Variants in GALNT7 observed in about 807,000 individuals in gnomAD.
The protein encoded by GALNT7 is N-acetylgalactosaminyltransferase 7.
Under a neutral mutation model 82.1 loss-of-function variants are expected in GALNT7, and 60 were observed. That is an observed-to-expected ratio of 0.73 (90% confidence interval 0.59 to 0.91). The LOEUF is 0.91. GALNT7 is among the 40% of genes least tolerant of loss of function. GALNT7 has a pLI of 0.00. For missense variants in GALNT7, 660 were observed against 804.2 expected (o/e 0.82, Z 2.17); for synonymous variants, 243 against 275.1 (o/e 0.88, Z 1.15).
At chr4:173,275,543 G>A (rs1417798651) in intron 2 of GALNT7, among the ~76,000 whole-genome samples, 1 of 152,132 alleles carries the variant, frequency 6.6e-6, no homozygotes, top group Non-Finnish European at 1.5e-5. Flanking sequence ...GGCAGATCAT[G>A]GTGCAGCTCT....
At chr4:173,265,952 A>T (rs1265504796) in intron 2 of GALNT7, among the ~76,000 whole-genome samples, 2 of 151,920 alleles carry the variant, frequency 1.3e-5, no homozygotes, top group Admixed American at 6.6e-5. Flanking sequence ...TAATATATTA[A>T]ATGTGTCATA....
intron 1 of GALNT7, among the ~76,000 whole-genome samples, chr4:173,239,237 C>T (rs1056311868): frequency 8.5e-5 from 13 of 152,190 alleles, no homozygotes; most frequent in African/African-American, 3.1e-4. Flanking sequence ...TCACTTATCT[C>T]ATTTGGATTC....
chr4:173,223,627 C>T (rs1733710090), intron 1 of GALNT7, among the ~76,000 whole-genome samples: 1 of 151,584 alleles, frequency 6.6e-6, no homozygotes, highest in Non-Finnish European at 1.5e-5. Context: ...GCTGAATGAT[C>T]ACTAAAATCA....
intron 1 of GALNT7, 140 bp downstream of exon 1, chr4:173,169,101 G>C (rs1414420467): frequency 1.6e-6 from 1 of 640,612 alleles, no homozygotes; most frequent in Non-Finnish European, 2.2e-6. Context: ...GCGCAGCGCG[G>C]GCCGAGGGGG....
chr4:173,253,949 T>C (rs1174804375), intron 2 of GALNT7, among the ~76,000 whole-genome samples: 2 of 152,248 alleles, frequency 1.3e-5, no homozygotes, highest in Non-Finnish European at 2.9e-5. Flanking sequence ...TTACCCTTTT[T>C]TTCTGCCCAA....
At chr4:173,299,112 G>T (rs988901667) in intron 6 of GALNT7, among the ~76,000 whole-genome samples, 1 of 152,010 alleles carries the variant, frequency 6.6e-6, no homozygotes, top group Non-Finnish European at 1.5e-5. Context: ...TCTGCTTTTG[G>T]TCTCTCTCTC....
intron 6 of GALNT7, among the ~76,000 whole-genome samples, chr4:173,298,563 G>A (rs1396594800): frequency 6.6e-6 from 1 of 152,004 alleles, no homozygotes; most frequent in Non-Finnish European, 1.5e-5. Flanking sequence ...TTTGTTCCAC[G>A]TACAAGTGAA....
At chr4:173,205,911 TGG>T (rs1733077194) in intron 1 of GALNT7, among the ~76,000 whole-genome samples, 1 of 151,776 alleles carries the variant, frequency 6.6e-6, no homozygotes, top group South Asian at 2.1e-4. Context: ...GGCCTGGTGG[TGG>T]GGCAGGTCCA....
chr4:173,206,462 A>G (rs1211295651), intron 1 of GALNT7, among the ~76,000 whole-genome samples: 1 of 152,126 alleles, frequency 6.6e-6, no homozygotes, highest in African/African-American at 2.4e-5. Flanking sequence ...CCATTTCTTT[A>G]TATCTGTCTC....
At chr4:173,256,692 T>C (rs556072963) in intron 2 of GALNT7, among the ~76,000 whole-genome samples, 1 of 152,326 alleles carries the variant, frequency 6.6e-6, no homozygotes, top group East Asian at 1.9e-4. Flanking sequence ...ATGCCTATAA[T>C]TGCACCTAAA....
At chr4:173,191,660 T>A (rs966818333) in intron 1 of GALNT7, among the ~76,000 whole-genome samples, 18 of 152,012 alleles carry the variant, frequency 1.2e-4, no homozygotes, top group Admixed American at 4.6e-4. Context: ...AGTAGAAGAG[T>A]GGTCTGCTCA....
intron 1 of GALNT7, among the ~76,000 whole-genome samples, chr4:173,210,733 A>G (rs1020325696): frequency 3.9e-5 from 6 of 152,252 alleles, no homozygotes; most frequent in East Asian, 3.9e-4. Flanking sequence ...TGCCTGGCCT[A>G]CTTTTTCCTT....
At position 173,304,007 on chromosome 4, in the gene GALNT7, T is replaced by C. The variant is rs1240172578; in HGVS notation, c.1278T>C (p.Cys426=). ...NFEISYKIWQ[C]GGKLLFVPCS... ...TTTTTCCTTCATAGATATGGCAGTG[T>C]GGTGGCAAATTATTATTTGTTCCTT... Residue 426 remains cysteine (C), a synonymous_variant, in exon 8 of 12, where the codon TGT becomes TGC. Coordinates refer to ENST00000265000, the MANE Select transcript of GALNT7 (RefSeq NM_017423.3). 1.2e-6 allele frequency: 2 copies of C among 1,611,064 alleles called. No homozygotes were observed. The highest frequency in any genetic ancestry group is 2.2e-5 in the South Asian group (2 of 90,590).
At chr4:173,301,211 T>C (rs1287189039) in intron 6 of GALNT7, among the ~76,000 whole-genome samples, 1 of 151,872 alleles carries the variant, frequency 6.6e-6, no homozygotes, top group Non-Finnish European at 1.5e-5. Flanking sequence ...TTTGAGTAGA[T>C]TGAATATTAT....
At chr4:173,297,068 C>T (rs1456075756) in intron 5 of GALNT7, among the ~76,000 whole-genome samples, 1 of 152,022 alleles carries the variant, frequency 6.6e-6, no homozygotes, top group East Asian at 1.9e-4. Context: ...AGCAGGGTAC[C>T]AGATAATCTT....
intron 1 of GALNT7, among the ~76,000 whole-genome samples, chr4:173,205,496 T>C (rs1377819100): frequency 6.6e-6 from 1 of 151,714 alleles, no homozygotes. Context: ...TCTCTTGCTG[T>C]CTTTTTTTTA....
At chr4:173,267,135 A>C (rs184467396) in intron 2 of GALNT7, among the ~76,000 whole-genome samples, 16 of 152,284 alleles carry the variant, frequency 1.1e-4, no homozygotes, top group African/African-American at 3.9e-4. Flanking sequence ...CATATCCTAA[A>C]TACCCTGCTT....
intron 2 of GALNT7, among the ~76,000 whole-genome samples, chr4:173,275,590 A>G (rs1447012771): frequency 6.6e-6 from 1 of 152,146 alleles, no homozygotes; most frequent in Non-Finnish European, 1.5e-5. Flanking sequence ...AGTTTTTATG[A>G]GCTCTTTTTG....
chr4:173,247,555 G>T (rs766348482), intron 1 of GALNT7, among the ~76,000 whole-genome samples: 3 of 151,996 alleles, frequency 2.0e-5, no homozygotes, highest in Non-Finnish European at 2.9e-5. Flanking sequence ...CCATATGGTT[G>T]TGCTACCGAC....
Sources: gnomAD v4.1 joint callset for allele counts (sites outside exome capture counted in the v4.1 genomes callset) on GRCh38, gnomAD v4.1.1 for gene constraint, MANE v1.5 for transcripts, NCBI Gene and HGNC (gene_info 2026-07-23, HGNC 2026-07-21) for gene names.